The following CDHR3 variants were observed in gnomAD, a reference collection of about 807,000 sequenced individuals.
CDHR3 encodes the protein cadherin related family member 3, also known as cadherin-related family member 3.
In CDHR3, 79 loss-of-function variants were observed where a neutral mutation model predicts 86.6. The observed-to-expected ratio is 0.91, with a 90% confidence interval of 0.76 to 1.10. The LOEUF (loss-of-function observed/expected upper bound fraction) is 1.10, where lower values mean the gene tolerates loss of function less well. Among genes scored for constraint, CDHR3 ranks in the 50% least tolerant of loss-of-function variants. The pLI, the probability that CDHR3 is intolerant of heterozygous loss-of-function variation, is 0.00. For synonymous variants in CDHR3, 421 were observed against 402.4 expected (o/e 1.05, Z -0.55); for missense variants, 1,081 against 1,077.6 (o/e 1.00, Z -0.04).
At chr7:105,994,151 A>G (rs765091586) in intron 4 of CDHR3, among the ~76,000 whole-genome samples, 3 of 152,090 alleles carry the variant, frequency 2.0e-5, no homozygotes, top group Admixed American at 6.5e-5. Flanking sequence ...GCGCCCTGCT[A>G]TATTGTAAGT....
At position 106,003,726 on chromosome 7, in the gene CDHR3, T is replaced by C. The variant is rs181280136; in HGVS notation, c.863-772T>C. Among the ~76,000 whole-genome samples, 3 of 152,220 alleles carry C rather than the reference T, an allele frequency of 2.0e-5. No homozygotes were observed. The East Asian group carries it at 5.8e-4, about 29-fold the overall frequency. Reference sequence around the variant, plus strand: ...AGACAATGCCAGAAAAACAATGTCCTGTTGGCTCCTTAGGCTTTCGGGCAA... The same window carrying C: ...AGACAATGCCAGAAAAACAATGTCCCGTTGGCTCCTTAGGCTTTCGGGCAA... On this transcript the variant is annotated intron_variant, in intron 7 of 18. Transcript: ENST00000317716.
Position 106,016,045 on chromosome 7 carries a change from C to A in CDHR3, c.1426+20C>A. 6.6e-7 allele frequency: 1 copy of A among 1,522,128 alleles called. No homozygotes were observed. Among genetic ancestry groups the A allele is most frequent in the Non-Finnish European group, 9.1e-7 (1 of 1,102,740 alleles). The allele number at this position is 1,522,128 out of a possible 1,614,324, so 94.3% of individuals were successfully genotyped here. On this transcript the variant is annotated intron_variant, in intron 11 of 18. Transcript: ENST00000317716. ...GGCCCGGTAAGTAACAGATAAGACACAGACCAGAGTGCTGTCAATGGACTC... is the reference window on the plus strand; with the variant it reads ...GGCCCGGTAAGTAACAGATAAGACAAAGACCAGAGTGCTGTCAATGGACTC...
At chr7:106,010,441 A>G (rs370160567) in intron 8 of CDHR3, among the ~76,000 whole-genome samples, 4 of 152,196 alleles carry the variant, frequency 2.6e-5, no homozygotes, top group Admixed American at 6.5e-5. Flanking sequence ...GTCCCTATGA[A>G]TGAAACCATG....
intron 18 of CDHR3, 70 bp from the exon 19 acceptor site, chr7:106,032,323 T>C (rs1179654239): frequency 7.0e-7 from 1 of 1,425,100 alleles, no homozygotes; most frequent in African/African-American, 1.4e-5. Context: ...CAGAGCAGGG[T>C]AGAAGTGGGG....
chr7:105,994,184 A>C (rs1208831670), intron 4 of CDHR3, among the ~76,000 whole-genome samples: 1 of 152,088 alleles, frequency 6.6e-6, no homozygotes, highest in Non-Finnish European at 1.5e-5. Context: ...TAGTGACCAG[A>C]TCCTACTCAC....
intron 4 of CDHR3, among the ~76,000 whole-genome samples, chr7:105,989,220 C>CAA (rs1554516517): frequency 1.4e-5 from 2 of 143,824 alleles, no homozygotes; most frequent in Admixed American, 1.4e-4. Flanking sequence ...GTACCCACCC[C>CAA]CCCACCTCTT....
At chr7:105,979,017 T>G (rs973641159) in intron 2 of CDHR3, among the ~76,000 whole-genome samples, 2 of 152,164 alleles carry the variant, frequency 1.3e-5, no homozygotes, top group South Asian at 2.1e-4. Context: ...GGTGGACATA[T>G]ATTCCTTGAA....
At chr7:105,986,431 T>C (rs1332151677) in intron 4 of CDHR3, among the ~76,000 whole-genome samples, 1 of 152,168 alleles carries the variant, frequency 6.6e-6, no homozygotes, top group Non-Finnish European at 1.5e-5. Context: ...CATTCATGCG[T>C]AGGGGAGAAG....
chr7:106,014,534 T>TCC (rs1835279971), intron 9 of CDHR3, among the ~76,000 whole-genome samples: 1 of 152,152 alleles, frequency 6.6e-6, no homozygotes, highest in Non-Finnish European at 1.5e-5. Flanking sequence ...GATGGGAGGA[T>TCC]CATTTGAGGC....
intron 12 of CDHR3, among the ~76,000 whole-genome samples, chr7:106,020,047 GT>G (rs1554528402): frequency 2.7e-5 from 4 of 145,798 alleles, no homozygotes; most frequent in African/African-American, 1.0e-4. Flanking sequence ...GTGTGTGTGT[GT>G]GGGGGGGGGG....
intron 6 of CDHR3, 90 bp from the exon 7 acceptor site, chr7:106,001,372 A>G (rs1833144219): frequency 7.1e-7 from 1 of 1,406,778 alleles, no homozygotes; most frequent in Non-Finnish European, 9.9e-7. Flanking sequence ...GCTCTGCACT[A>G]TATTTAGCAC....
chr7:106,020,626 C>G, intron 13 of CDHR3, 82 bp downstream of exon 13: 1 of 1,454,518 alleles, frequency 6.9e-7, no homozygotes, highest in Non-Finnish European at 9.3e-7. Context: ...TGCTCACACA[C>G]TGATCTGGGC....
At chr7:105,973,877 G>A (rs1317023542) in intron 1 of CDHR3, among the ~76,000 whole-genome samples, 2 of 152,150 alleles carry the variant, frequency 1.3e-5, no homozygotes, top group African/African-American at 4.8e-5. Flanking sequence ...TGAGGCATGA[G>A]AATCGCTTGA....
intron 1 of CDHR3, among the ~76,000 whole-genome samples, chr7:105,965,884 T>C (rs749881189): frequency 1.3e-5 from 2 of 152,180 alleles, no homozygotes; most frequent in Admixed American, 1.3e-4. Flanking sequence ...TTTTTATACT[T>C]TTTGAGTCTG....
chr7:106,020,329 A>G, intron 12 of CDHR3, 44 bp from the exon 13 acceptor site: 1 of 1,524,748 alleles, frequency 6.6e-7, no homozygotes, highest in East Asian at 2.4e-5. Context: ...TAAGCACTCA[A>G]TGAGTTTTAG....
rs918941226 is a variant in CDHR3 at position 106,036,006 on chromosome 7, A to G, written c.*3309A>G. 3 of 152,246 alleles carry G rather than the reference A, an allele frequency of 2.0e-5. No individual in the cohort carries two copies. Among genetic ancestry groups the G allele is most frequent in the African/African-American group, 7.2e-5 (3 of 41,456 alleles). 9.4% of individuals were successfully genotyped at this position (152,246 alleles called of 1,614,324 possible). On this transcript the variant is annotated 3_prime_UTR_variant, in exon 19 of 19. Coordinates refer to ENST00000317716, the MANE Select transcript of CDHR3 (RefSeq NM_152750.5). The stretch of plus-strand genomic sequence containing the variant: ...GGCCTTAAACAGGTATGAGTTGATT[A>G]TAGCCAATGTTTACTTTTCTCATTC...
intron 4 of CDHR3, among the ~76,000 whole-genome samples, chr7:105,986,361 CT>C (rs1355436355): frequency 6.6e-5 from 10 of 152,264 alleles, no homozygotes; most frequent in Non-Finnish European, 1.2e-4. Flanking sequence ...CTATTAGATA[CT>C]TTGGAAACAG....
At chr7:106,015,549 A>AT (rs1201904892) in intron 10 of CDHR3, among the ~76,000 whole-genome samples, 3 of 151,220 alleles carry the variant, frequency 2.0e-5, no homozygotes, top group East Asian at 3.9e-4. Context: ...CCAAGCCCCC[A>AT]TTTTTTTCCA....
At chr7:106,027,376 G>A (rs1345866169) in intron 16 of CDHR3, among the ~76,000 whole-genome samples, 1 of 146,592 alleles carries the variant, frequency 6.8e-6, no homozygotes, top group Non-Finnish European at 1.5e-5. Flanking sequence ...CAGACTGGGC[G>A]ACATAGTGAG....
Sources: gnomAD v4.1 joint callset for allele counts (sites outside exome capture counted in the v4.1 genomes callset) on GRCh38, gnomAD v4.1.1 for gene constraint, MANE v1.5 for transcripts, NCBI Gene and HGNC (gene_info 2026-07-23, HGNC 2026-07-21) for gene names.